Variants in MLPH observed in about 807,000 individuals in gnomAD.
MLPH encodes exophilin-3.
In MLPH, 51 loss-of-function variants were observed where a neutral mutation model predicts 72.1. The observed-to-expected ratio is 0.71, with a 90% CI of 0.56 to 0.89. The LOEUF is 0.89. Among genes scored for constraint, MLPH ranks in the 40% least tolerant of loss-of-function variants. MLPH has a pLI of 0.00. For missense variants in MLPH, 743 were observed against 759.9 expected (o/e 0.98, Z 0.26); for synonymous variants, 301 against 310.1 (o/e 0.97, Z 0.31).
intron 4 of MLPH, among the ~76,000 whole-genome samples, chr2:237,514,559 G>T (rs2079973949): frequency 6.6e-6 from 1 of 152,172 alleles, no homozygotes; most frequent in African/African-American, 2.4e-5. Context: ...GGGGAAGAAT[G>T]GGCCTGAGAG....
At position 237,510,448 on chromosome 2, in the gene MLPH, G is replaced by T; in HGVS notation, c.111-126G>T. The T allele has an allele frequency of 1.0e-6, 1 of 967,934 alleles. No homozygotes were observed. The highest frequency in any genetic ancestry group is 1.6e-6 in the Non-Finnish European group (1 of 617,130). The allele number at this position is 967,934 out of a possible 1,614,324, so 60.0% of individuals were successfully genotyped here. On this transcript the variant is annotated intron_variant, in intron 2 of 15. Transcript: ENST00000264605. The surrounding 1 kb of genome is among the most constrained non-coding windows in gnomAD (Gnocchi z 4.4). ...ACGTTGGGTCACTGTTTTCTGCATA[G>T]GAGACAGTTACTGTGTGTGTGTATG...
intron 4 of MLPH, among the ~76,000 whole-genome samples, chr2:237,515,161 T>G (rs78106822): frequency 2.4e-4 from 37 of 152,156 alleles, no homozygotes; most frequent in Non-Finnish European, 2.6e-4. Context: ...CAAGGCCCAG[T>G]CGATGGTAGA....
chr2:237,519,889 C>T (rs1203531870), intron 5 of MLPH, 21 bp from the exon 6 acceptor site: 1 of 1,613,926 alleles, frequency 6.2e-7, no homozygotes, highest in African/African-American at 1.3e-5. Context: ...TTGAGTCTTG[C>T]CCTGTCTTGT....
At chr2:237,550,611 G>T (rs560335082) in intron 14 of MLPH, among the ~76,000 whole-genome samples, 5 of 152,262 alleles carry the variant, frequency 3.3e-5, no homozygotes, top group African/African-American at 1.2e-4. Context: ...GTGCAATGGC[G>T]TGATCTCAGC....
intron 13 of MLPH, 108 bp downstream of exon 13, chr2:237,546,791 C>G: frequency 1.1e-6 from 1 of 896,044 alleles, no homozygotes; most frequent in Non-Finnish European, 1.9e-6. Flanking sequence ...AATGTCCTCA[C>G]AGCTACCCAC....
chr2:237,540,338 G>C lies in MLPH; in HGVS notation c.1105-10G>C. Reference sequence around the variant, plus strand: ...TAGCCGAATCCAAATCCACTGGCCTGTTCTGTCAGGGTCTAGGTGCTGGAG... The same window carrying C: ...TAGCCGAATCCAAATCCACTGGCCTCTTCTGTCAGGGTCTAGGTGCTGGAG... On this transcript the variant is annotated splice_polypyrimidine_tract_variant and intron_variant, in intron 9 of 15. Transcript: ENST00000264605. 6.2e-7 allele frequency: 1 copy of C among 1,613,394 alleles called. No homozygotes were observed. Among genetic ancestry groups the C allele is most frequent in the Non-Finnish European group, 8.5e-7 (1 of 1,179,996 alleles).
intron 1 of MLPH, among the ~76,000 whole-genome samples, chr2:237,488,694 G>A (rs1221691173): frequency 6.6e-6 from 1 of 152,108 alleles, no homozygotes; most frequent in Non-Finnish European, 1.5e-5. Context: ...GGAGTCAGTG[G>A]GTCTTACTGA....
At chr2:237,532,470 C>A (rs1223163890) in intron 8 of MLPH, among the ~76,000 whole-genome samples, 1 of 152,226 alleles carries the variant, frequency 6.6e-6, no homozygotes, top group East Asian at 1.9e-4. Flanking sequence ...CCCTCCGCCC[C>A]CTCACTCCCA....
rs973813505 is a variant in MLPH at position 237,505,407 on chromosome 2, G to A, written c.111-5167G>A. ...GCTGGAGCATGGTTTAAGGATCACA[G>A]GGATGTGGATTCCCCACCACCCCAG... On this transcript the variant is annotated intron_variant, in intron 2 of 15. Transcript: ENST00000264605. This position sits in a 1 kb window ranked among gnomAD's most constrained non-coding sequence, Gnocchi z 4.5. Among the ~76,000 whole-genome samples the A allele has an allele frequency of 6.6e-6, 1 of 152,116 alleles. No individual in the cohort carries two copies.
At position 237,546,657 on chromosome 2, in the gene MLPH, A is replaced by T; in HGVS notation, c.1591A>T (p.Asn531Tyr). Residue 531 changes from asparagine to tyrosine, a missense_variant, in exon 13 of 16, where the codon AAT becomes TAT. Transcript: ENST00000264605. ...GKLGKRPEDP[N>Y]ADPSSEAKAM... ...ACTTGGCAAGAGACCAGAGGACCCAAATGCAGACCCTTCAAGTGAGGCCAA... is the reference window on the plus strand; with the variant it reads ...ACTTGGCAAGAGACCAGAGGACCCATATGCAGACCCTTCAAGTGAGGCCAA... The T allele has an allele frequency of 4.3e-6, 7 of 1,614,188 alleles. No homozygotes were observed. The highest frequency in any genetic ancestry group is 5.9e-6 in the Non-Finnish European group (7 of 1,180,026).
chr2:237,537,806 C>A (rs1368172859), intron 9 of MLPH: 1 of 152,266 alleles, frequency 6.6e-6, no homozygotes, highest in Non-Finnish European at 1.5e-5. Flanking sequence ...GTGGAGGCAC[C>A]TGCTCTCCCT....
intron 2 of MLPH, 106 bp downstream of exon 2, chr2:237,493,642 G>A: frequency 1.2e-6 from 1 of 813,874 alleles, no homozygotes; most frequent in Non-Finnish European, 2.2e-6. Context: ...GCAGGGTGAA[G>A]AGTGATGGAC....
At chr2:237,511,600 C>T in intron 4 of MLPH, 1 of 172,466 alleles carries the variant, frequency 5.8e-6, no homozygotes, top group Non-Finnish European at 1.3e-5. Context: ...CACCAGGGTG[C>T]TTGTTAATAC....
At chr2:237,527,211 T>G in intron 7 of MLPH, 166 bp from the exon 8 acceptor site, 1 of 806,460 alleles carries the variant, frequency 1.2e-6, no homozygotes. Flanking sequence ...TGTGTGGCTG[T>G]GGAATCTGCC....
chr2:237,516,813 A>T (rs1358741240), intron 4 of MLPH, among the ~76,000 whole-genome samples: 2 of 146,486 alleles, frequency 1.4e-5, no homozygotes, highest in Admixed American at 6.9e-5. Context: ...GGATGGATGG[A>T]TGGATGGATG....
chr2:237,542,823 G>A (rs1408392674), intron 12 of MLPH, among the ~76,000 whole-genome samples, 164 bp downstream of exon 12: 1 of 35,052 alleles, frequency 2.9e-5, no homozygotes, highest in Non-Finnish European at 5.0e-5. Flanking sequence ...TGGTGAGTGG[G>A]GACAGTGGTG....
chr2:237,504,488 G>C (rs1237653904), intron 2 of MLPH, among the ~76,000 whole-genome samples: 2 of 152,202 alleles, frequency 1.3e-5, no homozygotes, highest in Non-Finnish European at 2.9e-5. Context: ...AAAGTGCTGG[G>C]ATTACAGGTG....
At chr2:237,507,267 A>G (rs888448586) in intron 2 of MLPH, 4 of 151,910 alleles carry the variant, frequency 2.6e-5, no homozygotes, top group Admixed American at 6.6e-5. Flanking sequence ...GGGTTTCACC[A>G]CATTGGCCGA....
At chr2:237,545,341 C>A (rs947946617) in intron 12 of MLPH, 3 of 842,528 alleles carry the variant, frequency 3.6e-6, no homozygotes, top group Non-Finnish European at 4.9e-6. Flanking sequence ...GGATCCTGGG[C>A]CCCCCACCTC....
Sources: gnomAD v4.1 joint callset for allele counts (sites outside exome capture counted in the v4.1 genomes callset) on GRCh38, gnomAD v4.1.1 for gene constraint, Gnocchi (gnomAD v3.1) non-coding constraint, MANE v1.5 for transcripts, NCBI Gene and HGNC (gene_info 2026-07-23, HGNC 2026-07-21) for gene names.